The following KCNIP1 variants were observed in gnomAD, a reference collection of about 807,000 sequenced individuals.
The protein encoded by KCNIP1 is A-type potassium channel modulatory protein KCNIP1.
Under a neutral mutation model 33.0 loss-of-function variants are expected in KCNIP1, and 18 were observed. The observed-to-expected ratio is 0.55, with a 90% confidence interval of 0.38 to 0.81. The LOEUF is 0.81. Among genes scored for constraint, KCNIP1 ranks in the 30% least tolerant of loss-of-function variants. The pLI is 0.00. For synonymous variants in KCNIP1, 93 were observed against 98.3 expected, an observed-to-expected ratio of 0.95 and a Z score of 0.32; for missense variants, 238 against 271.6, an observed-to-expected ratio of 0.88 and a Z score of 0.87.
intron 1 of KCNIP1, among the ~76,000 whole-genome samples, chr5:170,395,506 TCCG>T (rs1442322584): frequency 6.6e-6 from 1 of 152,146 alleles, no homozygotes; most frequent in Non-Finnish European, 1.5e-5. Flanking sequence ...GAAGGCAGAG[TCCG>T]CCTCTGCTAT....
chr5:170,575,107 A>T (rs1223663548), intron 1 of KCNIP1, among the ~76,000 whole-genome samples: 1 of 152,236 alleles, frequency 6.6e-6, no homozygotes, highest in East Asian at 1.9e-4. Context: ...CACTGCAGTC[A>T]TACTGGAAGC....
chr5:170,652,357 T>C (rs986938101), intron 1 of KCNIP1, among the ~76,000 whole-genome samples: 4 of 151,172 alleles, frequency 2.6e-5, no homozygotes, highest in African/African-American at 4.9e-5. Context: ...TGATGACACA[T>C]GCTTATAGTT....
rs79476902 is a variant in KCNIP1, at chr5:170,454,648, T to C, written c.88+100684T>C. Among the ~76,000 whole-genome samples the C allele has an allele frequency of 9.2e-5, 14 of 152,340 alleles. No individual in the cohort carries two copies. The East Asian group carries it at 2.7e-3, about 29-fold the overall frequency. On this transcript the variant is annotated intron_variant, in intron 1 of 7. Transcript: ENST00000377360. ...CTTTACCTGGTAAAACTATGAAATGTTGCCTGTAGATTTCTAAGAAAAATG... is the reference window on the plus strand; with the variant it reads ...CTTTACCTGGTAAAACTATGAAATGCTGCCTGTAGATTTCTAAGAAAAATG...
chr5:170,392,038 C>T (rs988356054), intron 1 of KCNIP1, among the ~76,000 whole-genome samples: 7 of 152,170 alleles, frequency 4.6e-5, no homozygotes, highest in African/African-American at 1.4e-4. Context: ...GGACACAGCA[C>T]GATGTTCAAG....
At chr5:170,378,599 TG>T in intron 1 of KCNIP1, 1 of 1,181,674 alleles carries the variant, frequency 8.5e-7, no homozygotes, top group South Asian at 1.5e-5. Flanking sequence ...ACTGGAAGAG[TG>T]GGAGGGCAGG....
intron 1 of KCNIP1, among the ~76,000 whole-genome samples, chr5:170,592,667 T>G (rs1423366016): frequency 6.6e-6 from 1 of 152,182 alleles, no homozygotes. Flanking sequence ...GGATGCAAGC[T>G]CAAGGCCACA....
At chr5:170,621,488 G>A (rs1040454934) in intron 1 of KCNIP1, among the ~76,000 whole-genome samples, 1 of 152,126 alleles carries the variant, frequency 6.6e-6, no homozygotes, top group African/African-American at 2.4e-5. Context: ...AATCTCTGCA[G>A]GTCAGTCATA....
chr5:170,607,891 C>A (rs985697497), intron 1 of KCNIP1, among the ~76,000 whole-genome samples: 1 of 152,150 alleles, frequency 6.6e-6, no homozygotes, highest in Non-Finnish European at 1.5e-5. Flanking sequence ...CCCTCACAGC[C>A]CGCAACAAAA....
At chr5:170,601,544 G>A (rs1446500693) in intron 1 of KCNIP1, among the ~76,000 whole-genome samples, 1 of 152,174 alleles carries the variant, frequency 6.6e-6, no homozygotes, top group Non-Finnish European at 1.5e-5. Context: ...GACACATGTT[G>A]TATTAAAAAG....
intron 1 of KCNIP1, among the ~76,000 whole-genome samples, chr5:170,364,714 G>A (rs549479891): frequency 1.3e-5 from 2 of 152,240 alleles, no homozygotes; most frequent in Admixed American, 6.5e-5. Context: ...TTTCTGCACA[G>A]CCCTTACTGC....
intron 1 of KCNIP1, among the ~76,000 whole-genome samples, chr5:170,432,617 G>T (rs116516793): frequency 0.023 from 3,553 of 152,266 alleles, 77 homozygotes; most frequent in African/African-American, 0.052. Context: ...CCAGCCTAAC[G>T]CTCTGAAGCT....
At chr5:170,667,536 C>A (rs983672377) in intron 1 of KCNIP1, among the ~76,000 whole-genome samples, 10 of 152,158 alleles carry the variant, frequency 6.6e-5, no homozygotes, top group Non-Finnish European at 1.3e-4. Flanking sequence ...CTCCACCAGA[C>A]CAGCAAATGG....
chr5:170,538,157 T>A (rs867944541), intron 1 of KCNIP1, among the ~76,000 whole-genome samples: 1 of 152,186 alleles, frequency 6.6e-6, no homozygotes, highest in Non-Finnish European at 1.5e-5. Context: ...GAGCCCTTAA[T>A]GACTATCCTC....
chr5:170,685,017 C>T (rs1200876322), intron 1 of KCNIP1, among the ~76,000 whole-genome samples: 3 of 152,076 alleles, frequency 2.0e-5, no homozygotes, highest in Non-Finnish European at 2.9e-5. Flanking sequence ...CTCATTTTTA[C>T]ACCATCAAGG....
chr5:170,378,496 A>T lies in KCNIP1; in HGVS notation c.88+24532A>T, dbSNP rs1764096311. On this transcript the variant is annotated intron_variant, in intron 1 of 7. Transcript: ENST00000377360. Reference sequence around the variant, plus strand: ...TGGCTGGCCTTATGGCCTCCAAGGCATTGGGGAGCCACTGTACATTCTTGA... The same window carrying T: ...TGGCTGGCCTTATGGCCTCCAAGGCTTTGGGGAGCCACTGTACATTCTTGA... 4 of 607,204 alleles carry T rather than the reference A, an allele frequency of 6.6e-6. No homozygotes were observed. In the South Asian group the frequency reaches 6.7e-5, roughly 10 times the overall value. The allele number at this position is 607,204 out of a possible 1,614,324, so 37.6% of individuals were successfully genotyped here.
At chr5:170,721,026 C>T (rs1581543514) in intron 3 of KCNIP1, among the ~76,000 whole-genome samples, 2 of 152,230 alleles carry the variant, frequency 1.3e-5, no homozygotes, top group Admixed American at 6.5e-5. Context: ...GGGACCACAT[C>T]GGTGACTCCT....
intron 1 of KCNIP1, among the ~76,000 whole-genome samples, chr5:170,648,415 T>C (rs1353451338): frequency 6.6e-6 from 1 of 152,148 alleles, no homozygotes; most frequent in Non-Finnish European, 1.5e-5. Context: ...AAATAAATGA[T>C]GGTGCATCCT....
intron 1 of KCNIP1, among the ~76,000 whole-genome samples, chr5:170,694,982 T>C (rs1762843396): frequency 6.6e-6 from 1 of 152,172 alleles, no homozygotes. Context: ...TAGCCAAAGA[T>C]AAGTCAGTAT....
intron 1 of KCNIP1, among the ~76,000 whole-genome samples, chr5:170,614,750 C>T (rs1277479402): frequency 1.3e-5 from 2 of 152,236 alleles, no homozygotes; most frequent in African/African-American, 2.4e-5. Context: ...CCAGAAGCCT[C>T]CCATCCACCT....
Sources: allele counts gnomAD v4.1 joint callset (sites outside exome capture counted in the v4.1 genomes callset), GRCh38; gene constraint gnomAD v4.1.1; transcripts MANE v1.5; gene names NCBI Gene and HGNC (gene_info 2026-07-23, HGNC 2026-07-21).